Variants in RNF217 observed in about 807,000 individuals in gnomAD.
RNF217 encodes the protein ring finger protein 217.
Under a neutral mutation model 57.8 loss-of-function variants are expected in RNF217, and 31 were observed. That is an observed-to-expected ratio of 0.54 (90% CI 0.40 to 0.72). The LOEUF is 0.72. Among genes scored for constraint, RNF217 ranks in the 30% least tolerant of loss-of-function variants. RNF217 has a pLI of 0.00. For missense variants in RNF217, 696 were observed against 708.3 expected (o/e 0.98, Z 0.20); for synonymous variants, 313 against 294.0 (o/e 1.06, Z -0.66).
rs746641129 is a variant in RNF217 at position 125,045,175 on chromosome 6, CG to C, written c.883-35del. On this transcript the variant is annotated intron_variant, in intron 1 of 5. Coordinates refer to ENST00000521654, the MANE Select transcript of RNF217 (RefSeq NM_001286398.3). ...AAAAATGAAAGAAAATAACCAGTGACGTTTTTTTCCTTCCATCTGCTCTTCC... is the reference window on the plus strand; with the variant it reads ...AAAAATGAAAGAAAATAACCAGTGACTTTTTTTCCTTCCATCTGCTCTTCC... 3.7e-6 allele frequency: 5 copies of C among 1,349,594 alleles called. 1 individual carries two copies. The South Asian group carries it at 3.8e-5, about 10-fold the overall frequency. 83.6% of individuals were successfully genotyped at this position (1,349,594 alleles called of 1,614,324 possible).
chr6:125,001,998 G>GT (rs1290007464), intron 1 of RNF217, among the ~76,000 whole-genome samples: 4 of 152,140 alleles, frequency 2.6e-5, no homozygotes, highest in African/African-American at 7.2e-5. Flanking sequence ...TTTAGGTGCT[G>GT]TTGTATTCTC....
intron 1 of RNF217, among the ~76,000 whole-genome samples, chr6:124,998,950 G>C (rs964995155): frequency 3.9e-5 from 6 of 152,154 alleles, no homozygotes; most frequent in Non-Finnish European, 7.3e-5. Context: ...ATGTGGAATT[G>C]ACTCCTTCAA....
At chr6:125,030,789 C>A (rs1786322157) in intron 1 of RNF217, among the ~76,000 whole-genome samples, 1 of 152,084 alleles carries the variant, frequency 6.6e-6, no homozygotes, top group Admixed American at 6.6e-5. Context: ...GTGGATGTAC[C>A]ATTCTGGGGT....
chr6:125,026,968 A>G (rs559196908), intron 1 of RNF217, among the ~76,000 whole-genome samples: 72 of 152,110 alleles, frequency 4.7e-4, no homozygotes, highest in Non-Finnish European at 6.8e-4. Flanking sequence ...TTGAATGAAC[A>G]TGACATAATT....
At chr6:125,036,069 C>G (rs976146447) in intron 1 of RNF217, among the ~76,000 whole-genome samples, 5 of 151,974 alleles carry the variant, frequency 3.3e-5, no homozygotes, top group Admixed American at 6.6e-5. Context: ...AATGCTATCC[C>G]TCCCCTTGCC....
chr6:124,963,972 C>T (rs1783421320), intron 1 of RNF217, among the ~76,000 whole-genome samples: 1 of 152,142 alleles, frequency 6.6e-6, no homozygotes, highest in East Asian at 1.9e-4. Context: ...AGTTGAAGTA[C>T]TTTTCTTTCA....
At chr6:125,003,827 T>C (rs1467239568) in intron 1 of RNF217, among the ~76,000 whole-genome samples, 1 of 152,160 alleles carries the variant, frequency 6.6e-6, no homozygotes, top group Non-Finnish European at 1.5e-5. Context: ...TAGCTTCTTA[T>C]ATGCTATGTC....
intron 2 of RNF217, among the ~76,000 whole-genome samples, chr6:125,055,639 T>C (rs1787492159): frequency 6.6e-6 from 1 of 152,210 alleles, no homozygotes; most frequent in Non-Finnish European, 1.5e-5. Context: ...GTTCATTTAA[T>C]GATGCTAGAA....
intron 1 of RNF217, among the ~76,000 whole-genome samples, chr6:124,974,159 A>G (rs1783869129): frequency 6.6e-6 from 1 of 152,210 alleles, no homozygotes; most frequent in Non-Finnish European, 1.5e-5. Context: ...GGCAGTCATA[A>G]GCCTGCCCAG....
intron 1 of RNF217, among the ~76,000 whole-genome samples, chr6:124,974,756 C>A (rs1249716794): frequency 1.3e-5 from 2 of 152,170 alleles, no homozygotes; most frequent in Non-Finnish European, 2.9e-5. Flanking sequence ...GCAGAATTAA[C>A]CATCCTGGTC....
intron 1 of RNF217, among the ~76,000 whole-genome samples, chr6:125,034,947 CT>C (rs1169376045): frequency 6.6e-6 from 1 of 152,066 alleles, no homozygotes; most frequent in Non-Finnish European, 1.5e-5. Context: ...ATATTTTATT[CT>C]CTTTGAAGCA....
intron 1 of RNF217, among the ~76,000 whole-genome samples, chr6:124,995,909 A>G (rs890833549): frequency 1.3e-5 from 2 of 152,132 alleles, no homozygotes; most frequent in African/African-American, 4.8e-5. Flanking sequence ...GTGATGAGCA[A>G]GACTCTTGTC....
At chr6:125,065,913 A>G (rs1381805657) in intron 3 of RNF217, among the ~76,000 whole-genome samples, 1 of 152,138 alleles carries the variant, frequency 6.6e-6, no homozygotes, top group African/African-American at 2.4e-5. Context: ...ACCGGATCTA[A>G]TAGACTTCTC....
chr6:125,025,285 A>G (rs1481652602), intron 1 of RNF217, among the ~76,000 whole-genome samples: 3 of 152,186 alleles, frequency 2.0e-5, no homozygotes, highest in South Asian at 2.1e-4. Context: ...GAACACAAGA[A>G]CATTAAATAA....
Position 125,081,454 on chromosome 6 carries a change from C to T in RNF217, c.1502C>T (p.Ala501Val), listed in dbSNP as rs1292275975. ...TTTCCAGCTGGAAAATTATTCATTG[C>T]ACCTCTAATTATGGTTTTGGGATTG... The part of the protein sequence containing the change: ...GSVCAGKLFI[A>V]PLIMVLGLAL... Residue 501 changes from alanine (A) to valine (V), a missense_variant, in exon 5 of 6, where the codon GCA becomes GTA. Coordinates refer to ENST00000521654, the MANE Select transcript of RNF217 (RefSeq NM_001286398.3). The T allele has an allele frequency of 4.3e-6, 7 of 1,611,300 alleles. No homozygotes were observed. Among genetic ancestry groups the T allele is most frequent in the Non-Finnish European group, 5.9e-6 (7 of 1,178,250 alleles).
At chr6:124,980,374 ACC>A (rs1197908739) in intron 1 of RNF217, among the ~76,000 whole-genome samples, 1 of 151,730 alleles carries the variant, frequency 6.6e-6, no homozygotes, top group African/African-American at 2.4e-5. Context: ...ACTACCTACC[ACC>A]CTCCCCTTCC....
chr6:125,041,082 G>T (rs1786862552), intron 1 of RNF217, among the ~76,000 whole-genome samples: 1 of 151,958 alleles, frequency 6.6e-6, no homozygotes, highest in Non-Finnish European at 1.5e-5. Flanking sequence ...TCTTTGTTCT[G>T]ACTTCTGTTG....
At chr6:125,060,692 G>A (rs1394306926) in intron 3 of RNF217, among the ~76,000 whole-genome samples, 6 of 151,932 alleles carry the variant, frequency 3.9e-5, no homozygotes, top group South Asian at 2.1e-4. Flanking sequence ...TGGTCCACCC[G>A]CCTCAGCCTC....
intron 1 of RNF217, among the ~76,000 whole-genome samples, chr6:125,003,989 TG>T (rs2114303798): frequency 6.6e-6 from 1 of 152,306 alleles, no homozygotes; most frequent in South Asian, 2.1e-4. Context: ...TGTCAAGTGC[TG>T]CAAAAATCTG....
Sources: allele counts gnomAD v4.1 joint callset (sites outside exome capture counted in the v4.1 genomes callset), GRCh38; gene constraint gnomAD v4.1.1; transcripts MANE v1.5; gene names NCBI Gene and HGNC (gene_info 2026-07-23, HGNC 2026-07-21).